The following PKD2 variants were observed in gnomAD, a reference collection of about 807,000 sequenced individuals.
PKD2 encodes the protein polycystin-2.
A neutral mutation model predicts 105.9 loss-of-function variants in PKD2; 48 were observed. That is an observed-to-expected ratio of 0.45 (90% CI 0.36 to 0.58). The LOEUF is 0.58. Ranked by LOEUF, PKD2 falls within the 20% of genes least tolerant of loss-of-function variation. The pLI, the probability that PKD2 is intolerant of heterozygous loss-of-function variation, is 0.00. For synonymous variants in PKD2, 464 were observed against 481.1 expected, an observed-to-expected ratio of 0.96 and a Z score of 0.46; for missense variants, 1,078 against 1,255.3, an observed-to-expected ratio of 0.86 and a Z score of 2.13.
chr4:88,018,612 G>A (rs888180749), intron 1 of PKD2, among the ~76,000 whole-genome samples: 1 of 152,182 alleles, frequency 6.6e-6, no homozygotes, highest in Non-Finnish European at 1.5e-5. Flanking sequence ...GTTCATTAAC[G>A]GGGCTTTGGA....
At chr4:88,045,033 G>T (rs1168988340) in intron 5 of PKD2, among the ~76,000 whole-genome samples, 1 of 152,170 alleles carries the variant, frequency 6.6e-6, no homozygotes, top group Non-Finnish European at 1.5e-5. Flanking sequence ...AAAAGGAAGA[G>T]AATAAAAACA....
intron 4 of PKD2, among the ~76,000 whole-genome samples, chr4:88,039,217 G>T (rs1293532507): frequency 1.3e-5 from 2 of 152,140 alleles, no homozygotes; most frequent in Admixed American, 1.3e-4. Context: ...AGCTAATTCT[G>T]TCGGTTCATC....
intron 3 of PKD2, 118 bp downstream of exon 3, chr4:88,036,471 G>GT: frequency 2.0e-6 from 3 of 1,532,372 alleles, no homozygotes; most frequent in Non-Finnish European, 8.8e-7. Context: ...TGTGTGAGAC[G>GT]TAAGTTATGG....
chr4:88,033,788 A>G (rs1024327085), intron 2 of PKD2, among the ~76,000 whole-genome samples: 5 of 152,248 alleles, frequency 3.3e-5, no homozygotes, highest in African/African-American at 1.2e-4. Context: ...TGCAAAGTAC[A>G]TTCCAATTCC....
At chr4:88,037,085 G>A (rs1727360875) in intron 3 of PKD2, among the ~76,000 whole-genome samples, 1 of 152,150 alleles carries the variant, frequency 6.6e-6, no homozygotes, top group Non-Finnish European at 1.5e-5. Context: ...TAAAGAATTA[G>A]CAGGGTGTGG....
intron 2 of PKD2, among the ~76,000 whole-genome samples, chr4:88,028,826 C>G (rs1439737770): frequency 6.6e-6 from 1 of 152,168 alleles, no homozygotes; most frequent in Non-Finnish European, 1.5e-5. Context: ...GTAAGTTGAA[C>G]CATCATATAT....
intron 14 of PKD2, 60 bp from the exon 15 acceptor site, chr4:88,075,398 G>A: frequency 8.4e-7 from 1 of 1,197,512 alleles, no homozygotes; most frequent in Non-Finnish European, 1.3e-6. Context: ...TTTGGTCCCT[G>A]GACTTCCTAA....
At chr4:88,008,351 G>T (rs1471789214) in intron 1 of PKD2, 23 bp downstream of exon 1, 2 of 1,511,222 alleles carry the variant, frequency 1.3e-6, no homozygotes, top group Admixed American at 2.0e-5. Context: ...GACCCGCAGC[G>T]GCAGATGCAC....
chr4:88,072,849 C>T (rs1260829762), intron 13 of PKD2, among the ~76,000 whole-genome samples: 1 of 150,098 alleles, frequency 6.7e-6, no homozygotes, highest in East Asian at 2.0e-4. Context: ...CCAGCCTGTG[C>T]AACATGGTGA....
intron 2 of PKD2, among the ~76,000 whole-genome samples, chr4:88,028,960 C>T (rs937212259): frequency 1.2e-4 from 18 of 152,168 alleles, no homozygotes; most frequent in African/African-American, 3.9e-4. Flanking sequence ...AAAGATTTTC[C>T]TCACAATTTT....
chr4:88,053,310 C>T (rs575265647), intron 7 of PKD2, among the ~76,000 whole-genome samples: 6 of 152,148 alleles, frequency 3.9e-5, no homozygotes, highest in South Asian at 2.1e-4. Flanking sequence ...GGTACTTACC[C>T]GTTATGTACT....
rs1397519846 is a variant in PKD2, at chr4:88,036,434, C to T, written c.843+81C>T. On this transcript the variant is annotated intron_variant, in intron 3 of 14. Transcript: ENST00000237596. ...CTTCATCATTTCAATGCATGAGTAT[C>T]GACAGGACCTGCTTTGCATTTAACA... is the stretch of plus-strand genomic sequence containing the variant. 26 of 1,597,826 alleles carry T rather than the reference C, an allele frequency of 1.6e-5. 1 individual carries two copies. Among genetic ancestry groups the T allele is most frequent in the East Asian group, 1.6e-4 (7 of 44,664 alleles).
At chr4:88,033,704 T>A (rs1429413494) in intron 2 of PKD2, among the ~76,000 whole-genome samples, 1 of 152,188 alleles carries the variant, frequency 6.6e-6, no homozygotes, top group East Asian at 1.9e-4. Flanking sequence ...TTTATCAAAA[T>A]TCCTTTTTAA....
intron 2 of PKD2, among the ~76,000 whole-genome samples, chr4:88,028,625 C>A (rs1024530746): frequency 6.6e-6 from 1 of 152,210 alleles, no homozygotes; most frequent in African/African-American, 2.4e-5. Flanking sequence ...GCTGGCAACA[C>A]AGTACACTGT....
chr4:88,044,861 C>A (rs761354785), intron 5 of PKD2, among the ~76,000 whole-genome samples: 1 of 151,922 alleles, frequency 6.6e-6, no homozygotes, highest in Non-Finnish European at 1.5e-5. Flanking sequence ...ATTAGAAATA[C>A]TCAAGCTGTC....
At chr4:88,045,111 C>T (rs1727718501) in intron 5 of PKD2, among the ~76,000 whole-genome samples, 1 of 152,224 alleles carries the variant, frequency 6.6e-6, no homozygotes, top group African/African-American at 2.4e-5. Flanking sequence ...TCTGCTTCCT[C>T]CCTTACTTTA....
intron 8 of PKD2, among the ~76,000 whole-genome samples, chr4:88,057,296 G>GC (rs1410784304): frequency 6.8e-6 from 1 of 147,506 alleles, no homozygotes; most frequent in Non-Finnish European, 1.5e-5. Context: ...AGGCCCTGTT[G>GC]TTTTTTTTTT....
In PKD2 at chr4:88,049,016, G is replaced by T. The variant is rs558335407; in HGVS notation, c.1548+2146G>T. On this transcript the variant is annotated intron_variant, in intron 6 of 14. Transcript: ENST00000237596. ...TTATGTTTAGGCCATTGAAATAATG[G>T]TAGAAAGGTAAGTATGATATGCTAA... Among the ~76,000 whole-genome samples, 13 of 152,280 alleles carry T rather than the reference G, an allele frequency of 8.5e-5. No individual in the cohort carries two copies. In the South Asian group the frequency reaches 2.5e-3, roughly 29 times the overall value.
At chr4:88,038,547 A>G (rs774851434) in intron 4 of PKD2, 46 bp downstream of exon 4, 31 of 1,599,164 alleles carry the variant, frequency 1.9e-5, no homozygotes, top group Non-Finnish European at 2.1e-5. Flanking sequence ...TCATTCATTT[A>G]TTCTCTGAAC....
Sources: allele counts gnomAD v4.1 joint callset (sites outside exome capture counted in the v4.1 genomes callset), GRCh38; gene constraint gnomAD v4.1.1; transcripts MANE v1.5; gene names NCBI Gene and HGNC (gene_info 2026-07-23, HGNC 2026-07-21).